The following NSMCE1 variants were observed in gnomAD, a reference collection of about 807,000 sequenced individuals.
NSMCE1 encodes the protein non-structural maintenance of chromosomes element 1 homolog.
NSMCE1 carries 18 observed loss-of-function variants against 29.6 expected under a neutral mutation model. That is an observed-to-expected ratio of 0.61 (90% CI 0.42 to 0.90). The LOEUF is 0.90. Ranked by LOEUF, NSMCE1 falls within the 40% of genes least tolerant of loss-of-function variation. NSMCE1 has a pLI of 0.00. For missense variants in NSMCE1, 314 were observed against 343.6 expected (o/e 0.91, Z 0.68); for synonymous variants, 124 against 133.4 (o/e 0.93, Z 0.49).
rs34940876 is a variant in NSMCE1, at chr16:27,226,713, C to T, written c.600+7G>A. On this transcript the variant is annotated splice_region_variant and intron_variant, in intron 6 of 7. Transcript: ENST00000361439. ...TGATGAGCTCCCGTGCCCTGCCCTG[C>T]GGGTACCTGGATGAGGAGGCTGTGA... The T allele has an allele frequency of 0.34, 546,835 of 1,587,400 alleles. 96,782 individuals carry two copies. Among genetic ancestry groups the T allele is most frequent in the East Asian group, 0.46 (20,711 of 44,724 alleles).
intron 1 of NSMCE1, among the ~76,000 whole-genome samples, chr16:27,259,597 G>A (rs1053786173): frequency 7.2e-5 from 11 of 152,118 alleles, no homozygotes; most frequent in African/African-American, 2.7e-4. Context: ...GAGGCAAAGA[G>A]TCCAGAAAGC....
chr16:27,242,091 C>A (rs1408817069), intron 2 of NSMCE1, among the ~76,000 whole-genome samples: 1 of 152,210 alleles, frequency 6.6e-6, no homozygotes, highest in Non-Finnish European at 1.5e-5. Context: ...CGTTCATCAT[C>A]GGAACTGAGT....
At chr16:27,242,863 A>G (rs1403501919) in intron 2 of NSMCE1, among the ~76,000 whole-genome samples, 1 of 152,212 alleles carries the variant, frequency 6.6e-6, no homozygotes, top group Non-Finnish European at 1.5e-5. Flanking sequence ...GCCCTCGCAG[A>G]GCTGATACAG....
chr16:27,259,515 A>G (rs185407091), intron 1 of NSMCE1, among the ~76,000 whole-genome samples: 35 of 152,296 alleles, frequency 2.3e-4, no homozygotes, highest in Non-Finnish European at 4.7e-4. Context: ...AAGCAGGAAC[A>G]TGGTGTTGCC....
At chr16:27,235,539 A>C (rs2083812508) in intron 2 of NSMCE1, among the ~76,000 whole-genome samples, 1 of 152,152 alleles carries the variant, frequency 6.6e-6, no homozygotes, top group Non-Finnish European at 1.5e-5. Context: ...GGGAGATGCT[A>C]TCTGCAACCA....
rs1485133906 is a variant in NSMCE1, at chr16:27,233,154, G to T, written c.337-7C>A. 1.2e-6 allele frequency: 2 copies of T among 1,610,222 alleles called. No individual in the cohort carries two copies. Among genetic ancestry groups the T allele is most frequent in the Non-Finnish European group, 1.7e-6 (2 of 1,178,838 alleles). ...AGTCAATAATCAGTTCCAGCTGGAA[G>T]AAAGAGCAGGTATCATGCTCATCTA... On this transcript the variant is annotated splice_polypyrimidine_tract_variant and splice_region_variant and intron_variant, in intron 4 of 7. Transcript: ENST00000361439.
intron 5 of NSMCE1, among the ~76,000 whole-genome samples, chr16:27,229,702 G>A (rs965195932): frequency 6.6e-6 from 1 of 152,064 alleles, no homozygotes; most frequent in African/African-American, 2.4e-5. Context: ...TCAGCTTCCC[G>A]AGTACCTGGG....
intron 5 of NSMCE1, among the ~76,000 whole-genome samples, chr16:27,229,395 A>G (rs1031890052): frequency 6.6e-6 from 1 of 152,090 alleles, no homozygotes; most frequent in Non-Finnish European, 1.5e-5. Flanking sequence ...GCCCCATGGG[A>G]GCGGCCACCA....
At chr16:27,239,186 T>C (rs958287109) in intron 2 of NSMCE1, among the ~76,000 whole-genome samples, 2 of 152,176 alleles carry the variant, frequency 1.3e-5, no homozygotes, top group African/African-American at 4.8e-5. Flanking sequence ...CATTCCTTTC[T>C]AAGTTGACCA....
At position 27,234,262 on chromosome 16, in the gene NSMCE1, T is replaced by A; in HGVS notation, c.262A>T (p.Asn88Tyr). 6.2e-7 allele frequency: 1 copy of A among 1,610,060 alleles called. No individual in the cohort carries two copies. The highest frequency in any genetic ancestry group is 8.5e-7 in the Non-Finnish European group (1 of 1,176,236). The change falls in exon 4 of 8, where the codon AAT (asparagine) becomes TAT (tyrosine). Residue 88 changes from asparagine (N) to tyrosine (Y), a missense_variant. Coordinates refer to ENST00000361439, the MANE Select transcript of NSMCE1 (RefSeq NM_145080.4). ...DDGRPIYALV[N>Y]LATTSISKMA... ...TTGGAAATTGAAGTTGTAGCAAGAT[T>A]CACCTAAGAAATAAGTCAGCACGAC...
intron 2 of NSMCE1, among the ~76,000 whole-genome samples, chr16:27,242,869 T>A (rs2083909499): frequency 6.6e-6 from 1 of 152,192 alleles, no homozygotes; most frequent in Admixed American, 6.5e-5. Context: ...GCAGAGCTGA[T>A]ACAGGGGCTC....
At chr16:27,253,390 G>C (rs956342561) in intron 2 of NSMCE1, among the ~76,000 whole-genome samples, 3 of 152,192 alleles carry the variant, frequency 2.0e-5, no homozygotes, top group Non-Finnish European at 2.9e-5. Flanking sequence ...TAGAGAACTG[G>C]AGTAGTGTTA....
intron 2 of NSMCE1, among the ~76,000 whole-genome samples, chr16:27,248,728 A>G (rs1317904471): frequency 1.3e-5 from 2 of 151,452 alleles, no homozygotes; most frequent in African/African-American, 4.9e-5. Flanking sequence ...TAAATGTCTA[A>G]TGATGTTGAG....
In NSMCE1 at chr16:27,257,543, C is replaced by T. The variant is rs769578125; in HGVS notation, c.28G>A (p.Val10Ile). ...AAGCGCCGGTGGACATCAGTCATGA[C>T]GCCCATTCTCCTTGTGCTGCCCTGC... MQGSTRRMGVMTDVHRRFLQ... is the reference protein window; with the variant it reads MQGSTRRMGIMTDVHRRFLQ... Residue 10 changes from valine (V) to isoleucine (I), a missense_variant, in exon 2 of 8, where the codon GTC (valine) becomes ATC (isoleucine). Coordinates refer to ENST00000361439, the MANE Select transcript of NSMCE1 (RefSeq NM_145080.4). 32 of 1,613,412 alleles carry T rather than the reference C, an allele frequency of 2.0e-5. No individual in the cohort carries two copies. The African/African-American group carries it at 2.8e-4, about 14-fold the overall frequency.
chr16:27,244,236 G>A (rs79939181), intron 2 of NSMCE1, among the ~76,000 whole-genome samples: 3,286 of 152,336 alleles, frequency 0.022, 115 homozygotes, highest in African/African-American at 0.073. Context: ...CACTTTATCC[G>A]TGGAGGACTC....
intron 5 of NSMCE1, among the ~76,000 whole-genome samples, chr16:27,229,643 C>G (rs1555474413): frequency 1.3e-5 from 2 of 152,234 alleles, no homozygotes; most frequent in Non-Finnish European, 2.9e-5. Context: ...ATGGCACGAT[C>G]TCAGCTCACT....
chr16:27,255,830 T>C (rs570417187), intron 2 of NSMCE1, among the ~76,000 whole-genome samples: 1 of 152,258 alleles, frequency 6.6e-6, no homozygotes, highest in Non-Finnish European at 1.5e-5. Flanking sequence ...GTGCTCCAAA[T>C]GTGACACCTA....
intron 2 of NSMCE1, among the ~76,000 whole-genome samples, chr16:27,254,866 C>CTTTTTTTT (rs61088115): frequency 4.3e-5 from 2 of 46,912 alleles, no homozygotes; most frequent in African/African-American, 9.0e-5. Flanking sequence ...TCCAACCATG[C>CTTTTTTTT]TTTTTTTTTT....
intron 1 of NSMCE1, among the ~76,000 whole-genome samples, chr16:27,267,200 T>C (rs536927416): frequency 1.1e-4 from 16 of 152,244 alleles, no homozygotes; most frequent in Admixed American, 9.8e-4. Flanking sequence ...TACGTTTAAA[T>C]TTATTATTAA....
Sources: gnomAD v4.1 joint callset for allele counts (sites outside exome capture counted in the v4.1 genomes callset) on GRCh38, gnomAD v4.1.1 for gene constraint, MANE v1.5 for transcripts, NCBI Gene and HGNC (gene_info 2026-07-23, HGNC 2026-07-21) for gene names.